Variants in INPP4B observed in about 807,000 individuals in gnomAD.
INPP4B encodes the protein inositol polyphosphate-4-phosphatase type II B.
A neutral mutation model predicts 122.5 loss-of-function variants in INPP4B; 55 were observed. The observed-to-expected ratio is 0.45, with a 90% CI of 0.36 to 0.56. INPP4B has a LOEUF of 0.56. Ranked by LOEUF, INPP4B falls within the 20% of genes least tolerant of loss-of-function variation. INPP4B has a pLI of 0.00. For missense variants in INPP4B, 1,000 were observed against 1,097.7 expected, an observed-to-expected ratio of 0.91 and a Z score of 1.26; for synonymous variants, 403 against 388.7, an observed-to-expected ratio of 1.04 and a Z score of -0.43.
chr4:142,642,754 CTT>C (rs913191161), intron 2 of INPP4B, among the ~76,000 whole-genome samples: 1 of 152,124 alleles, frequency 6.6e-6, no homozygotes, highest in African/African-American at 2.4e-5. Flanking sequence ...GATGCGGGCT[CTT>C]TTTTGGTTCT....
In INPP4B at chr4:142,611,637, C is replaced by CT. The variant is rs34482115; in HGVS notation, c.-191+114201dup. On this transcript the variant is annotated intron_variant, in intron 2 of 25. Coordinates refer to ENST00000262992, the MANE Select transcript of INPP4B (RefSeq NM_001101669.3). ...CTGGAAGTTCTGTTTTTTCTTTTTT[C>CT]TTTTTTTTTTTTTTTTTTTTTTTTG... Among the ~76,000 whole-genome samples, 303 of 65,238 alleles carry CT rather than the reference C, an allele frequency of 4.6e-3. 10 individuals are homozygous for CT. The highest frequency in any genetic ancestry group is 5.8e-3 in the African/African-American group (90 of 15,646). The allele number at this position is 65,238 out of a possible 152,430, so 42.8% of individuals were successfully genotyped here.
intron 25 of INPP4B, among the ~76,000 whole-genome samples, chr4:142,071,131 A>G (rs192941247): frequency 5.3e-4 from 81 of 152,320 alleles, no homozygotes; most frequent in African/African-American, 1.9e-3. Context: ...ACTGGTCCGA[A>G]ACAGAGATAT....
intron 10 of INPP4B, among the ~76,000 whole-genome samples, chr4:142,267,432 T>C (rs1182069866): frequency 6.6e-6 from 1 of 152,190 alleles, no homozygotes; most frequent in Admixed American, 6.5e-5. Context: ...CAATTCGTTT[T>C]CAACAAAGGT....
intron 1 of INPP4B, among the ~76,000 whole-genome samples, chr4:142,729,480 C>A (rs900576012): frequency 2.0e-5 from 3 of 151,122 alleles, no homozygotes; most frequent in Non-Finnish European, 4.4e-5. Context: ...AGCTAGTGAA[C>A]CTTGGATCCT....
At chr4:142,350,139 T>G (rs1456883262) in intron 7 of INPP4B, among the ~76,000 whole-genome samples, 1 of 152,008 alleles carries the variant, frequency 6.6e-6, no homozygotes, top group Non-Finnish European at 1.5e-5. Context: ...AATTGTATGT[T>G]GCTTTCCACT....
intron 14 of INPP4B, among the ~76,000 whole-genome samples, chr4:142,193,768 A>G (rs1368400748): frequency 6.6e-6 from 1 of 152,214 alleles, no homozygotes; most frequent in Non-Finnish European, 1.5e-5. Flanking sequence ...AAGAATACAC[A>G]AAATGTTTCT....
At chr4:142,657,551 A>G (rs1321158800) in intron 2 of INPP4B, among the ~76,000 whole-genome samples, 1 of 152,240 alleles carries the variant, frequency 6.6e-6, no homozygotes, top group Non-Finnish European at 1.5e-5. Context: ...GTGTAAGAAC[A>G]GTAAAATGTG....
intron 10 of INPP4B, among the ~76,000 whole-genome samples, chr4:142,270,168 A>G (rs1157672044): frequency 1.3e-5 from 2 of 152,174 alleles, no homozygotes; most frequent in African/African-American, 2.4e-5. Context: ...CCTTCAATGA[A>G]TACTATTTCC....
At chr4:142,177,554 C>T (rs139669708) in intron 15 of INPP4B, among the ~76,000 whole-genome samples, 2 of 152,082 alleles carry the variant, frequency 1.3e-5, no homozygotes, top group African/African-American at 4.8e-5. Context: ...ATAAATAGTA[C>T]TGCAAAGCAC....
chr4:142,281,254 C>T (rs1246998129), intron 9 of INPP4B, among the ~76,000 whole-genome samples: 1 of 151,606 alleles, frequency 6.6e-6, no homozygotes, highest in African/African-American at 2.4e-5. Flanking sequence ...CTGGGAATAC[C>T]TGACTTCCTG....
At chr4:142,074,937 A>T (rs986100060) in intron 25 of INPP4B, among the ~76,000 whole-genome samples, 2 of 152,026 alleles carry the variant, frequency 1.3e-5, no homozygotes, top group Non-Finnish European at 2.9e-5. Context: ...CACAGTTCAG[A>T]TTCTACCTCC....
At chr4:142,701,060 G>A (rs1761696246) in intron 2 of INPP4B, among the ~76,000 whole-genome samples, 2 of 152,098 alleles carry the variant, frequency 1.3e-5, no homozygotes, top group Admixed American at 6.6e-5. Context: ...GCCAGTCTTG[G>A]GGAACTGGTG....
chr4:142,560,193 G>T (rs147727054), intron 2 of INPP4B, among the ~76,000 whole-genome samples: 6 of 152,264 alleles, frequency 3.9e-5, no homozygotes, highest in South Asian at 2.1e-4. Context: ...AACAGCCTGC[G>T]CTTTCCTTCC....
At chr4:142,521,027 T>G (rs965338462) in intron 2 of INPP4B, among the ~76,000 whole-genome samples, 4 of 151,960 alleles carry the variant, frequency 2.6e-5, no homozygotes, top group African/African-American at 9.7e-5. Flanking sequence ...TATGATGACC[T>G]ACACAATAAT....
intron 25 of INPP4B, among the ~76,000 whole-genome samples, chr4:142,069,809 C>A (rs973758221): frequency 1.3e-5 from 2 of 152,092 alleles, no homozygotes; most frequent in African/African-American, 4.8e-5. Flanking sequence ...CTGAATAGAC[C>A]AATAACAGGC....
Position 142,243,209 on chromosome 4 carries a change from C to T in INPP4B, c.689-5198G>A, listed in dbSNP as rs572921656. Among the ~76,000 whole-genome samples, 107 of 152,270 alleles carry T rather than the reference C, an allele frequency of 7.0e-4. No individual in the cohort carries two copies. The South Asian group carries it at 0.018, about 26-fold the overall frequency. ...AAAATGTAAACTTTTTGACTATTAT[C>T]ACTGTTTTGCCTATATTGTTTTTCT... is the stretch of plus-strand genomic sequence containing the variant. On this transcript the variant is annotated intron_variant, in intron 11 of 25. Coordinates refer to ENST00000262992, the MANE Select transcript of INPP4B (RefSeq NM_001101669.3).
chr4:142,214,718 A>T (rs1846324116), intron 12 of INPP4B, among the ~76,000 whole-genome samples: 1 of 152,054 alleles, frequency 6.6e-6, no homozygotes. Context: ...ACGCCTGGCT[A>T]ATCTTCGTAT....
chr4:142,102,255 TATAA>T (rs1445080561), intron 23 of INPP4B, among the ~76,000 whole-genome samples: 3 of 152,140 alleles, frequency 2.0e-5, no homozygotes, highest in Admixed American at 2.0e-4. Context: ...AAAACCTTAA[TATAA>T]ATAAATTGTG....
At chr4:142,306,897 G>A (rs971947913) in intron 8 of INPP4B, among the ~76,000 whole-genome samples, 4 of 152,070 alleles carry the variant, frequency 2.6e-5, no homozygotes, top group Non-Finnish European at 5.9e-5. Context: ...AAAAGGAAAG[G>A]AAAGGAAAGG....
Sources: allele counts gnomAD v4.1 joint callset (sites outside exome capture counted in the v4.1 genomes callset), GRCh38; gene constraint gnomAD v4.1.1; transcripts MANE v1.5; gene names NCBI Gene and HGNC (gene_info 2026-07-23, HGNC 2026-07-21).